SDK1: variants seen among roughly 807,000 people sequenced by gnomAD.
SDK1 encodes the protein protein sidekick-1.
A neutral mutation model predicts 245.5 loss-of-function variants in SDK1; 157 were observed. That is an observed-to-expected ratio of 0.64 (90% CI 0.56 to 0.73). SDK1 has a LOEUF of 0.73. Among genes scored for constraint, SDK1 ranks in the 30% least tolerant of loss-of-function variants. The pLI is 0.00. For synonymous variants in SDK1, 1,647 were observed against 1,278.5 expected, an observed-to-expected ratio of 1.29 and a Z score of -6.15; for missense variants, 3,583 against 3,002.3, an observed-to-expected ratio of 1.19 and a Z score of -4.52.
chr7:4,129,972 C>G lies in SDK1; in HGVS notation c.4004C>G (p.Thr1335Arg). 3 of 1,613,838 alleles carry G rather than the reference C, an allele frequency of 1.9e-6. No individual in the cohort carries two copies. Among genetic ancestry groups the G allele is most frequent in the Non-Finnish European group, 1.7e-6 (2 of 1,180,000 alleles). ...PRSHIVRGNHTQSALLAGLRK... is the reference protein window; with the variant it reads ...PRSHIVRGNHRQSALLAGLRK... ...AGCCACATCGTGCGAGGGAACCACA[C>G]GCAGTCGGCCCTGCTGGCAGGCCTG... The change falls in exon 27 of 45, where the codon ACG (threonine) becomes AGG (arginine). Residue 1335 changes from threonine to arginine, a missense_variant. Thr to Arg is a moderately conservative substitution (Grantham distance 71, BLOSUM62 -1). Coordinates refer to ENST00000404826, the MANE Select transcript of SDK1 (RefSeq NM_152744.4).
chr7:3,899,852 G>C (rs1194800450), intron 5 of SDK1, among the ~76,000 whole-genome samples: 1 of 152,262 alleles, frequency 6.6e-6, no homozygotes, highest in Non-Finnish European at 1.5e-5. Flanking sequence ...ACACTGAGAA[G>C]TGCTTTGTCC....
chr7:3,345,310 G>A (rs968254411), intron 1 of SDK1, among the ~76,000 whole-genome samples: 2 of 152,054 alleles, frequency 1.3e-5, no homozygotes, highest in African/African-American at 4.8e-5. Context: ...ATTGAAAAAA[G>A]ATATTGGGAC....
At chr7:3,387,310 C>T (rs765038495) in intron 1 of SDK1, among the ~76,000 whole-genome samples, 1 of 152,144 alleles carries the variant, frequency 6.6e-6, no homozygotes, top group Non-Finnish European at 1.5e-5. Context: ...CCCCACCAAC[C>T]CCTGAATTCC....
chr7:3,596,126 T>TG (rs367876204), intron 1 of SDK1, among the ~76,000 whole-genome samples: 1,773 of 152,220 alleles, frequency 0.012, 46 homozygotes, highest in African/African-American at 0.04. Context: ...AATGCTCCAG[T>TG]GAGCATTTCC....
intron 1 of SDK1, among the ~76,000 whole-genome samples, chr7:3,454,415 T>TGTGTGTGTGTGTGTGTGTGTGC (rs1780612370): frequency 6.6e-6 from 1 of 150,878 alleles, no homozygotes; most frequent in African/African-American, 2.5e-5. Context: ...TGTGTGTGTG[T>TGTGTGTGTGTGTGTGTGTGTGC]GTGTGTGTGC....
At chr7:3,733,684 C>T (rs1779242046) in intron 4 of SDK1, among the ~76,000 whole-genome samples, 1 of 152,066 alleles carries the variant, frequency 6.6e-6, no homozygotes, top group Admixed American at 6.5e-5. Flanking sequence ...AGTAAGTGCC[C>T]AAACACAGAT....
At chr7:4,090,794 T>C (rs566314475) in intron 22 of SDK1, among the ~76,000 whole-genome samples, 1 of 152,312 alleles carries the variant, frequency 6.6e-6, no homozygotes, top group South Asian at 2.1e-4. Context: ...TACATATATC[T>C]ATAGCTAGGT....
intron 17 of SDK1, among the ~76,000 whole-genome samples, chr7:4,031,983 C>T (rs920820548): frequency 4.0e-5 from 6 of 149,496 alleles, no homozygotes; most frequent in African/African-American, 1.5e-4. Flanking sequence ...GTTGAGATAG[C>T]GCCACTGCAC....
At chr7:4,138,396 A>G (rs1779236130) in intron 28 of SDK1, among the ~76,000 whole-genome samples, 1 of 152,176 alleles carries the variant, frequency 6.6e-6, no homozygotes, top group African/African-American at 2.4e-5. Context: ...GCAGAATGAA[A>G]AACTCATACT....
intron 5 of SDK1, among the ~76,000 whole-genome samples, chr7:3,846,307 T>A (rs554625427): frequency 3.1e-4 from 47 of 152,232 alleles, no homozygotes; most frequent in Non-Finnish European, 6.2e-4. Context: ...ATAAATTATG[T>A]TTATTGCATG....
Position 4,267,097 on chromosome 7 carries a change from G to A in SDK1, c.*1713G>A, listed in dbSNP as rs959206984. ...CTGAGTATGGCCCCAGGAGACCAAG[G>A]AGAGTTTTGTATAGGCTGGAAAACC... On this transcript the variant is annotated 3_prime_UTR_variant, in exon 45 of 45. Transcript: ENST00000404826. 1.2e-5 allele frequency: 12 copies of A among 985,380 alleles called. No individual in the cohort carries two copies. The highest frequency in any genetic ancestry group is 1.2e-5 in the Non-Finnish European group (10 of 829,978). 61.0% of individuals were successfully genotyped at this position (985,380 alleles called of 1,614,324 possible).
chr7:3,829,861 C>T (rs1245232472), intron 5 of SDK1, among the ~76,000 whole-genome samples: 1 of 152,148 alleles, frequency 6.6e-6, no homozygotes, highest in Non-Finnish European at 1.5e-5. Context: ...GAGGCTGGCA[C>T]CCTTTTGCAA....
At chr7:3,859,925 T>TC (rs1780648063) in intron 5 of SDK1, among the ~76,000 whole-genome samples, 1 of 148,968 alleles carries the variant, frequency 6.7e-6, no homozygotes, top group Non-Finnish European at 1.5e-5. Context: ...TGATAGAAAT[T>TC]TTTTTTTTTT....
chr7:4,022,199 G>A (rs1786948152), intron 17 of SDK1, among the ~76,000 whole-genome samples: 1 of 152,188 alleles, frequency 6.6e-6, no homozygotes, highest in Non-Finnish European at 1.5e-5. Flanking sequence ...GGCATAATTT[G>A]GGAAATTATT....
intron 14 of SDK1, among the ~76,000 whole-genome samples, chr7:4,005,979 G>A (rs376775165): frequency 1.3e-5 from 2 of 152,174 alleles, no homozygotes; most frequent in Non-Finnish European, 2.9e-5. Flanking sequence ...AAGGCAGGAG[G>A]ATCGCTTGAA....
chr7:3,632,729 A>G (rs1782336359), intron 2 of SDK1, among the ~76,000 whole-genome samples: 1 of 152,358 alleles, frequency 6.6e-6, no homozygotes, highest in Non-Finnish European at 1.5e-5. Flanking sequence ...TTTTGAAAGA[A>G]CTAAAAACAT....
intron 1 of SDK1, among the ~76,000 whole-genome samples, chr7:3,468,990 A>T (rs1781098024): frequency 2.0e-5 from 3 of 152,180 alleles, no homozygotes; most frequent in African/African-American, 4.8e-5. Flanking sequence ...TTACCATATG[A>T]AATATTCTTA....
intron 4 of SDK1, among the ~76,000 whole-genome samples, chr7:3,659,259 G>C (rs887511312): frequency 7.2e-5 from 11 of 152,104 alleles, no homozygotes; most frequent in African/African-American, 2.2e-4. Flanking sequence ...CTGAATGTCA[G>C]CTGCCCTGGT....
intron 32 of SDK1, among the ~76,000 whole-genome samples, chr7:4,167,788 G>C (rs1364403161): frequency 2.0e-5 from 3 of 152,240 alleles, no homozygotes; most frequent in Non-Finnish European, 4.4e-5. Context: ...CGAACCTTTT[G>C]TTTCCAGTCA....
Sources: gnomAD v4.1 joint callset for allele counts (sites outside exome capture counted in the v4.1 genomes callset) on GRCh38, gnomAD v4.1.1 for gene constraint, MANE v1.5 for transcripts, NCBI Gene and HGNC (gene_info 2026-07-23, HGNC 2026-07-21) for gene names.